Variants in DYRK1A observed in about 807,000 individuals in gnomAD.
DYRK1A encodes the protein dual specificity tyrosine phosphorylation regulated kinase 1A.
A neutral mutation model predicts 79.7 loss-of-function variants in DYRK1A; 9 were observed. The ratio of observed to expected loss-of-function variants is 0.11; its 90% CI spans 0.07 to 0.20. DYRK1A has a LOEUF of 0.20. Ranked by LOEUF, DYRK1A falls within the 10% of genes least tolerant of loss-of-function variation. The pLI, the probability that DYRK1A is intolerant of heterozygous loss-of-function variation, is 1.00. For missense variants in DYRK1A, 622 were observed against 956.0 expected, an observed-to-expected ratio of 0.65 and a Z score of 4.61; for synonymous variants, 349 against 329.7, an observed-to-expected ratio of 1.06 and a Z score of -0.63.
At chr21:37,380,239 AC>A (rs2049629307) in intron 1 of DYRK1A, among the ~76,000 whole-genome samples, 1 of 152,220 alleles carries the variant, frequency 6.6e-6, no homozygotes, top group South Asian at 2.1e-4. Flanking sequence ...CTCGAAAAAA[AC>A]AACTGTTACC....
At chr21:37,428,240 A>G (rs959686342) in intron 2 of DYRK1A, among the ~76,000 whole-genome samples, 2 of 152,140 alleles carry the variant, frequency 1.3e-5, no homozygotes, top group African/African-American at 2.4e-5. Flanking sequence ...CCTTTTGTTC[A>G]TGGTGTCGTT....
In DYRK1A at chr21:37,519,397, C is replaced by A. The variant is rs938530058; in HGVS notation, c.*6866C>A. On this transcript the variant is annotated 3_prime_UTR_variant, in exon 12 of 12. Transcript: ENST00000647188. ...CTGTCCGCTTTGTACAATGGAGATA[C>A]CTATAGTGTCCACTTAGGAGATGCT... is the stretch of plus-strand genomic sequence containing the variant. 1 of 152,240 alleles carries A rather than the reference C, an allele frequency of 6.6e-6. No individual in the cohort carries two copies. Among genetic ancestry groups the A allele is most frequent in the East Asian group, 1.9e-4 (1 of 5,202 alleles). The allele number at this position is 152,240 out of a possible 1,614,324, so 9.4% of individuals were successfully genotyped here.
At chr21:37,461,178 ATTAGTC>A (rs2051825605) in intron 2 of DYRK1A, among the ~76,000 whole-genome samples, 3 of 152,224 alleles carry the variant, frequency 2.0e-5, no homozygotes, top group Non-Finnish European at 4.4e-5. Flanking sequence ...ACATCTGCAT[ATTAGTC>A]TTAAAGTTTT....
intron 2 of DYRK1A, among the ~76,000 whole-genome samples, chr21:37,467,047 A>G (rs181766320): frequency 1.1e-4 from 16 of 151,926 alleles, no homozygotes; most frequent in Admixed American, 1.0e-3. Flanking sequence ...GTCCTATTAA[A>G]CATGATCCTT....
chr21:37,403,471 G>A (rs997363279), intron 1 of DYRK1A, among the ~76,000 whole-genome samples: 1 of 151,678 alleles, frequency 6.6e-6, no homozygotes, highest in African/African-American at 2.4e-5. Flanking sequence ...AACAACAGAG[G>A]CAAGGTCTTG....
chr21:37,500,771 ATTT>A (rs1025514630), intron 9 of DYRK1A, among the ~76,000 whole-genome samples: 1 of 151,072 alleles, frequency 6.6e-6, no homozygotes, highest in African/African-American at 2.4e-5. Flanking sequence ...TTTTACTATA[ATTT>A]TTTTTTAATA....
At position 37,506,309 on chromosome 21, in the gene DYRK1A, C is replaced by T. The variant is rs184784885; in HGVS notation, c.1644+86C>T. On this transcript the variant is annotated intron_variant, in intron 11 of 11. Transcript: ENST00000647188. ...GGATGCCAGGTGCCTTTAGAATGAC[C>T]GTATCATTTACCCTAGAGGTTCATG... 9.1e-5 allele frequency: 146 copies of T among 1,610,844 alleles called. 1 individual carries two copies. The highest frequency in any genetic ancestry group is 1.3e-4 in the Admixed American group (8 of 59,496).
At chr21:37,435,522 T>C (rs935807663) in intron 2 of DYRK1A, among the ~76,000 whole-genome samples, 1 of 152,212 alleles carries the variant, frequency 6.6e-6, no homozygotes, top group Non-Finnish European at 1.5e-5. Flanking sequence ...AATATGTGTA[T>C]TACATTTTAG....
At chr21:37,385,517 G>A (rs1208415656) in intron 1 of DYRK1A, among the ~76,000 whole-genome samples, 1 of 150,240 alleles carries the variant, frequency 6.7e-6, no homozygotes, top group Non-Finnish European at 1.5e-5. Flanking sequence ...CTTGCAAGAG[G>A]TGTACATCTT....
chr21:37,498,221 G>T lies in DYRK1A; in HGVS notation c.1212+1963G>T, dbSNP rs569643811. Among the ~76,000 whole-genome samples, 82 of 152,196 alleles carry T rather than the reference G, an allele frequency of 5.4e-4. No individual in the cohort carries two copies. The Middle Eastern group carries it at 0.01, about 19-fold the overall frequency. On this transcript the variant is annotated intron_variant, in intron 9 of 11. Coordinates refer to ENST00000647188, the MANE Select transcript of DYRK1A (RefSeq NM_001347721.2). ...GTGCAGAATGAAGAAGACAATAAAT[G>T]ATGCTTTTTTTGAAGTACAGTTTAT...
intron 9 of DYRK1A, chr21:37,502,930 G>C (rs1358407207): frequency 6.6e-6 from 1 of 152,156 alleles, no homozygotes; most frequent in Non-Finnish European, 1.5e-5. Flanking sequence ...TTACGATATA[G>C]CTTAAAGATG....
chr21:37,455,646 A>C (rs954301942), intron 2 of DYRK1A, among the ~76,000 whole-genome samples: 7 of 151,958 alleles, frequency 4.6e-5, no homozygotes, highest in African/African-American at 1.7e-4. Context: ...TTTGCTGACA[A>C]TTCCCTCCTT....
chr21:37,385,047 C>G (rs185128431), intron 1 of DYRK1A, among the ~76,000 whole-genome samples: 3 of 151,880 alleles, frequency 2.0e-5, no homozygotes, highest in Admixed American at 2.0e-4. Flanking sequence ...GTGAGGTTTG[C>G]TTAAGAACAA....
chr21:37,430,433 A>C, intron 2 of DYRK1A: 3 of 983,564 alleles, frequency 3.1e-6, no homozygotes, highest in Non-Finnish European at 3.6e-6. Context: ...ATTTAATTCT[A>C]TGATATGTGT....
chr21:37,425,261 C>A (rs2050585855), intron 2 of DYRK1A, among the ~76,000 whole-genome samples: 1 of 152,048 alleles, frequency 6.6e-6, no homozygotes, highest in Non-Finnish European at 1.5e-5. Flanking sequence ...TCAGCAAATG[C>A]AAAAAGAATA....
chr21:37,373,629 A>G (rs912577459), intron 1 of DYRK1A, among the ~76,000 whole-genome samples: 1 of 152,156 alleles, frequency 6.6e-6, no homozygotes, highest in Non-Finnish European at 1.5e-5. Flanking sequence ...GCAGTTTCTC[A>G]CTACATCCAC....
chr21:37,423,254 C>T (rs1036105171), intron 2 of DYRK1A, among the ~76,000 whole-genome samples: 1 of 152,010 alleles, frequency 6.6e-6, no homozygotes, highest in African/African-American at 2.4e-5. Context: ...TCCCATTCTT[C>T]TCTTCCGAGC....
At chr21:37,408,795 G>A (rs1039215351) in intron 1 of DYRK1A, among the ~76,000 whole-genome samples, 22 of 152,208 alleles carry the variant, frequency 1.4e-4, no homozygotes, top group Non-Finnish European at 5.9e-5. Context: ...TTTAGGAGAT[G>A]AGTTGGTTTG....
At chr21:37,464,313 G>T (rs758571648) in intron 2 of DYRK1A, 31 of 498,488 alleles carry the variant, frequency 6.2e-5, no homozygotes, top group Non-Finnish European at 1.2e-4. Context: ...AGTTATTATA[G>T]TTCCTTGCTA....
Sources: gnomAD v4.1 joint callset for allele counts (sites outside exome capture counted in the v4.1 genomes callset) on GRCh38, gnomAD v4.1.1 for gene constraint, MANE v1.5 for transcripts, NCBI Gene and HGNC (gene_info 2026-07-23, HGNC 2026-07-21) for gene names.